The following MIA2 variants were observed in gnomAD, a reference collection of about 807,000 sequenced individuals.
MIA2 encodes MIA SH3 domain ER export factor 2, also known as melanoma inhibitory activity protein 2.
Under a neutral mutation model 167.8 loss-of-function variants are expected in MIA2, and 127 were observed. The ratio of observed to expected loss-of-function variants is 0.76; its 90% confidence interval spans 0.66 to 0.88. MIA2 has a LOEUF of 0.88. Ranked by LOEUF, MIA2 falls within the 40% of genes least tolerant of loss-of-function variation. The pLI, the probability that MIA2 is intolerant of heterozygous loss-of-function variation, is 0.00. For missense variants in MIA2, 1,690 were observed against 1,624.7 expected (o/e 1.04, Z -0.69); for synonymous variants, 552 against 541.9 (o/e 1.02, Z -0.26).
intron 6 of MIA2, among the ~76,000 whole-genome samples, chr14:39,270,258 G>C (rs1381888038): frequency 2.1e-5 from 3 of 142,232 alleles, no homozygotes; most frequent in African/African-American, 7.9e-5. Flanking sequence ...CTGGAGTGCA[G>C]TGGCATGATC....
chr14:39,339,646 C>T (rs115712236), intron 25 of MIA2, among the ~76,000 whole-genome samples: 80 of 152,092 alleles, frequency 5.3e-4, no homozygotes, highest in Middle Eastern at 3.4e-3. Context: ...GAATGTAATA[C>T]TGAAACAGAT....
chr14:39,323,712 T>G (rs1317952000), intron 24 of MIA2, among the ~76,000 whole-genome samples: 1 of 152,138 alleles, frequency 6.6e-6, no homozygotes, highest in Non-Finnish European at 1.5e-5. Flanking sequence ...GAAATAAGGG[T>G]ATAATTGGCT....
intron 4 of MIA2, among the ~76,000 whole-genome samples, chr14:39,252,118 G>C (rs1340288943): frequency 6.6e-6 from 1 of 152,032 alleles, no homozygotes; most frequent in Non-Finnish European, 1.5e-5. Context: ...TTCTTCCTTG[G>C]CTGAGGAATA....
intron 6 of MIA2, among the ~76,000 whole-genome samples, chr14:39,262,949 T>C (rs981379960): frequency 5.9e-5 from 9 of 152,212 alleles, no homozygotes; most frequent in Admixed American, 6.5e-5. Flanking sequence ...TATACAATCA[T>C]GTCACCTGCA....
rs1474090331 is a variant in MIA2 at position 39,277,050 on chromosome 14, GAGA to G, written c.2007_2009del (p.Arg669del). 1 of 1,613,644 alleles carries G rather than the reference GAGA, an allele frequency of 6.2e-7. No homozygotes were observed. Among genetic ancestry groups the G allele is most frequent in the East Asian group, 2.2e-5 (1 of 44,848 alleles). On this transcript the variant is annotated inframe_deletion, in exon 7 of 29. Coordinates refer to ENST00000640607, the MANE Select transcript of MIA2 (RefSeq NM_001329214.4). Reference sequence around the variant, plus strand: ...TTTTTGCTGTTCTCTTTTTTTTGTGGAGAAGTTTTAGATCGGTAAGTAACCAGT... The same window carrying G: ...TTTTTGCTGTTCTCTTTTTTTTGTGGAGTTTTAGATCGGTAAGTAACCAGT...
rs775615725 is a variant in MIA2, at chr14:39,247,792, T to G, written c.1218T>G (p.Gly406=). Residue 406 remains glycine (G), a synonymous_variant, in exon 4 of 29, where the codon GGT becomes GGG. Transcript: ENST00000640607. ...MLDDRKNEED[G]GADEHEHPLT... ...ATGACAGGAAAAATGAAGAAGATGG[T>G]GGGGCAGATGAACATGAACATCCTC... 1.2e-6 allele frequency: 2 copies of G among 1,612,940 alleles called. No individual in the cohort carries two copies. The highest frequency in any genetic ancestry group is 2.2e-5 in the South Asian group (2 of 90,694).
At chr14:39,353,774 C>G (rs968425215), downstream of MIA2, among the ~76,000 whole-genome samples, 1 of 152,082 alleles carries the variant, frequency 6.6e-6, no homozygotes, top group Non-Finnish European at 1.5e-5. Context: ...TCCAAGTGTT[C>G]TCATTGTTCA....
At chr14:39,368,605 T>G (rs749704014) in intron 23 of MIA2, among the ~76,000 whole-genome samples, 16 of 152,136 alleles carry the variant, frequency 1.1e-4, no homozygotes, top group Non-Finnish European at 2.9e-5. Flanking sequence ...CTGGGAATTT[T>G]TTTTTTTAAT....
chr14:39,362,417 G>A (rs1270334311), intron 23 of MIA2, among the ~76,000 whole-genome samples: 1 of 152,142 alleles, frequency 6.6e-6, no homozygotes, highest in East Asian at 1.9e-4. Context: ...AACCTTGGTA[G>A]ATTGTATTTG....
chr14:39,293,256 G>C lies in MIA2; in HGVS notation c.2209-15G>C. 1 of 1,529,640 alleles carries C rather than the reference G, an allele frequency of 6.5e-7. No homozygotes were observed. Among genetic ancestry groups the C allele is most frequent in the East Asian group, 2.3e-5 (1 of 44,258 alleles). 94.8% of individuals were successfully genotyped at this position (1,529,640 alleles called of 1,614,324 possible). On this transcript the variant is annotated splice_polypyrimidine_tract_variant and intron_variant, in intron 10 of 28. Coordinates refer to ENST00000640607, the MANE Select transcript of MIA2 (RefSeq NM_001329214.4). Reference sequence around the variant, plus strand: ...ATTCTTATATCTGTTTAATAAAGTTGGCTTTCTCTCTTAGGCAACCTGTGA... The same window carrying C: ...ATTCTTATATCTGTTTAATAAAGTTCGCTTTCTCTCTTAGGCAACCTGTGA...
intron 6 of MIA2, chr14:39,253,376 T>C: frequency 1.4e-6 from 1 of 691,284 alleles, no homozygotes; most frequent in Non-Finnish European, 2.3e-6. Context: ...CCCTAAGTTT[T>C]GTTGATGTTG....
At chr14:39,351,555 G>A (rs889105891), downstream of MIA2, among the ~76,000 whole-genome samples, 1 of 152,148 alleles carries the variant, frequency 6.6e-6, no homozygotes, top group East Asian at 1.9e-4. Flanking sequence ...TGATGTATTA[G>A]GAAGTAGCCT....
chr14:39,268,173 T>TA (rs1243427246), intron 6 of MIA2, among the ~76,000 whole-genome samples: 2 of 152,170 alleles, frequency 1.3e-5, no homozygotes, highest in African/African-American at 4.8e-5. Context: ...TGTTTCTAGG[T>TA]ATCTTTGTTG....
At chr14:39,250,476 A>G (rs1372575850) in intron 4 of MIA2, among the ~76,000 whole-genome samples, 1 of 151,872 alleles carries the variant, frequency 6.6e-6, no homozygotes, top group Middle Eastern at 3.2e-3. Flanking sequence ...CAGGCAGATT[A>G]CTTGAAGTCA....
intron 23 of MIA2, chr14:39,370,616 T>C: frequency 2.9e-6 from 1 of 347,362 alleles, no homozygotes; most frequent in South Asian, 2.5e-5. Flanking sequence ...TCCAGCACCT[T>C]GTCCTTCACC....
intron 3 of MIA2, among the ~76,000 whole-genome samples, chr14:39,244,082 T>C (rs780860644): frequency 1.3e-5 from 2 of 152,264 alleles, no homozygotes; most frequent in Non-Finnish European, 2.9e-5. Context: ...TTTCTGGCTA[T>C]AGGGCAGGGC....
intron 9 of MIA2, among the ~76,000 whole-genome samples, chr14:39,285,238 C>G (rs1486316584): frequency 2.0e-5 from 3 of 152,250 alleles, no homozygotes; most frequent in Admixed American, 6.5e-5. Flanking sequence ...CCATCGTCAT[C>G]CTGGCCCGTT....
Position 39,314,774 on chromosome 14 carries a change from G to C in MIA2, c.3155G>C (p.Arg1052Thr), listed in dbSNP as rs762608614. The change falls in exon 20 of 29, where the codon AGA (arginine) becomes ACA (threonine). Residue 1052 changes from arginine to threonine, a missense_variant. By Grantham distance (71) the Arg-to-Thr change is moderately conservative. Coordinates refer to ENST00000640607, the MANE Select transcript of MIA2 (RefSeq NM_001329214.4). The part of the protein sequence containing the change: ...RAKDLEEELE[R>T]TIHSYQGQII... The stretch of plus-strand genomic sequence containing the variant: ...AAAGATCTTGAAGAAGAATTGGAGA[G>C]AACTATTCATTCTTATCAAGGGCAG... The C allele has an allele frequency of 3.5e-5, 56 of 1,604,556 alleles. No individual in the cohort carries two copies. Among genetic ancestry groups the C allele is most frequent in the Non-Finnish European group, 4.4e-5 (52 of 1,175,576 alleles).
At chr14:39,386,332 T>G in intron 23 of MIA2, 1 of 1,504,250 alleles carries the variant, frequency 6.6e-7, no homozygotes, top group Non-Finnish European at 9.3e-7. Context: ...CACTGATAGC[T>G]TCATCACAAG....
Sources: gnomAD v4.1 joint callset for allele counts (sites outside exome capture counted in the v4.1 genomes callset) on GRCh38, gnomAD v4.1.1 for gene constraint, MANE v1.5 for transcripts, NCBI Gene and HGNC (gene_info 2026-07-23, HGNC 2026-07-21) for gene names.